USO1: variants seen among roughly 807,000 people sequenced by gnomAD.
The protein encoded by USO1 is general vesicular transport factor p115.
USO1 carries 57 observed loss-of-function variants against 124.5 expected under a neutral mutation model. The ratio of observed to expected loss-of-function variants is 0.46; its 90% confidence interval spans 0.37 to 0.57. The LOEUF (loss-of-function observed/expected upper bound fraction) is 0.57. Among genes scored for constraint, USO1 ranks in the 20% least tolerant of loss-of-function variants. The pLI is 0.00. For missense variants in USO1, 900 were observed against 1,040.6 expected (o/e 0.86, Z 1.86); for synonymous variants, 369 against 362.8 (o/e 1.02, Z -0.19).
intron 13 of USO1, among the ~76,000 whole-genome samples, chr4:75,798,296 G>T (rs1177264963): frequency 1.3e-5 from 2 of 151,818 alleles, no homozygotes; most frequent in South Asian, 4.2e-4. Context: ...ATACATTGTG[G>T]GTATATTTGG....
intron 20 of USO1, among the ~76,000 whole-genome samples, 172 bp downstream of exon 20, chr4:75,806,744 T>C (rs1369346222): frequency 6.6e-6 from 1 of 152,226 alleles, no homozygotes; most frequent in Admixed American, 6.5e-5. Context: ...AATAGTACTT[T>C]GCTTTTTATT....
intron 1 of USO1, among the ~76,000 whole-genome samples, chr4:75,728,859 C>G (rs150926308): frequency 6.6e-6 from 1 of 151,900 alleles, no homozygotes; most frequent in Non-Finnish European, 1.5e-5. Context: ...AGTGCAGTGG[C>G]GCAATCTTGG....
At position 75,813,400 on chromosome 4, in the gene USO1, A is replaced by C; in HGVS notation, c.*105A>C. The C allele has an allele frequency of 8.0e-7, 1 of 1,251,094 alleles. No individual in the cohort carries two copies. The allele number at this position is 1,251,094 out of a possible 1,614,324, so 77.5% of individuals were successfully genotyped here. ...AATAAAGATTTAGAAACCAGGTGGA[A>C]AACATTCACTATTAAGACTATTGAT... On this transcript the variant is annotated 3_prime_UTR_variant, in exon 24 of 24. Coordinates refer to ENST00000514213, the MANE Select transcript of USO1 (RefSeq NM_003715.4).
At chr4:75,792,812 C>T (rs769434710) in intron 12 of USO1, among the ~76,000 whole-genome samples, 3 of 152,106 alleles carry the variant, frequency 2.0e-5, no homozygotes, top group Non-Finnish European at 4.4e-5. Flanking sequence ...TCATTATCCC[C>T]ATCTTCCCTC....
At chr4:75,728,972 A>G (rs1263794977) in intron 1 of USO1, among the ~76,000 whole-genome samples, 3 of 151,624 alleles carry the variant, frequency 2.0e-5, no homozygotes, top group Non-Finnish European at 4.4e-5. Flanking sequence ...TAATTTTTGT[A>G]TTTTTAGTGG....
At chr4:75,749,073 G>A (rs940461910) in intron 1 of USO1, among the ~76,000 whole-genome samples, 2 of 152,130 alleles carry the variant, frequency 1.3e-5, no homozygotes, top group African/African-American at 4.8e-5. Flanking sequence ...CAGTTAGAAT[G>A]AATAAAGAAA....
intron 3 of USO1, among the ~76,000 whole-genome samples, chr4:75,753,568 A>C (rs1002442256): frequency 6.6e-6 from 1 of 150,876 alleles, no homozygotes; most frequent in Non-Finnish European, 1.5e-5. Flanking sequence ...TAAAATAAAA[A>C]TTAGCTGGGT....
intron 9 of USO1, among the ~76,000 whole-genome samples, chr4:75,784,220 T>C (rs1722297148): frequency 6.6e-6 from 1 of 152,172 alleles, no homozygotes; most frequent in Admixed American, 6.5e-5. Context: ...GAGGTCTCAC[T>C]GTATTGCCAG....
chr4:75,812,411 ATGT>A, intron 23 of USO1, 36 bp downstream of exon 23: 1 of 1,525,092 alleles, frequency 6.6e-7, no homozygotes, highest in Non-Finnish European at 8.8e-7. Flanking sequence ...GATTTGTATT[ATGT>A]TTTAGTATAA....
At chr4:75,726,302 G>A (rs866538552) in intron 1 of USO1, among the ~76,000 whole-genome samples, 421 of 128,952 alleles carry the variant, frequency 3.3e-3, no homozygotes, top group African/African-American at 0.012. Context: ...AAAAAAAAAA[G>A]GGGTGAAGTA....
intron 18 of USO1, among the ~76,000 whole-genome samples, chr4:75,804,648 T>G (rs1008644645): frequency 1.3e-5 from 2 of 152,218 alleles, no homozygotes; most frequent in African/African-American, 4.8e-5. Context: ...CACCAGGTGA[T>G]TCTAATGTAT....
chr4:75,787,120 A>G lies in USO1; in HGVS notation c.914A>G (p.Lys305Arg). 6.2e-7 allele frequency: 1 copy of G among 1,607,954 alleles called. No homozygotes were observed. Among genetic ancestry groups the G allele is most frequent in the Non-Finnish European group, 8.5e-7 (1 of 1,177,424 alleles). The change falls in exon 10 of 24, where the codon AAG becomes AGG. Residue 305 changes from lysine (K) to arginine (R), a missense_variant. Around this residue, in one of 2 missense-constraint regions of USO1, gnomAD observed 538 missense variants for 681.6 expected, o/e 0.79. Coordinates refer to ENST00000514213, the MANE Select transcript of USO1 (RefSeq NM_003715.4). ...NPPGATSSCQ[K>R]AMFQCGLLQQ... Reference sequence around the variant, plus strand: ...CCTGGTGCTACCAGTAGCTGCCAGAAGGCTATGTTCCAGTGTGGGTTATTG... The same window carrying G: ...CCTGGTGCTACCAGTAGCTGCCAGAGGGCTATGTTCCAGTGTGGGTTATTG...
chr4:75,776,549 C>T (rs536127010), intron 8 of USO1, among the ~76,000 whole-genome samples: 20 of 152,192 alleles, frequency 1.3e-4, no homozygotes, highest in Admixed American at 3.3e-4. Flanking sequence ...CTAAGTTTTC[C>T]TAGTTGCTAA....
At chr4:75,762,273 C>T (rs1055550566) in intron 4 of USO1, among the ~76,000 whole-genome samples, 3 of 145,030 alleles carry the variant, frequency 2.1e-5, no homozygotes, top group Non-Finnish European at 3.0e-5. Context: ...TGTATTCAAG[C>T]GATTCTCATG....
At chr4:75,812,757 CAG>C (rs1723185831) in intron 23 of USO1, among the ~76,000 whole-genome samples, 1 of 152,158 alleles carries the variant, frequency 6.6e-6, no homozygotes, top group South Asian at 2.1e-4. Context: ...TTAGAAATGA[CAG>C]AGAGCCTTGG....
intron 4 of USO1, among the ~76,000 whole-genome samples, chr4:75,766,139 A>C (rs324718): frequency 6.6e-6 from 1 of 152,100 alleles, no homozygotes; most frequent in African/African-American, 2.4e-5. Context: ...TTTTTGATAG[A>C]TTGCATATAA....
At position 75,813,180 on chromosome 4, in the gene USO1, A is replaced by G. The variant is rs571297608; in HGVS notation, c.2800-26A>G. ...AATGTGACATGAACAGATTTTCACA[A>G]TATTAAATACGTCTTTTTCCTCTAG... On this transcript the variant is annotated intron_variant, in intron 23 of 23. Coordinates refer to ENST00000514213, the MANE Select transcript of USO1 (RefSeq NM_003715.4). 12 of 1,589,990 alleles carry G rather than the reference A, an allele frequency of 7.5e-6. No individual in the cohort carries two copies. In the South Asian group the frequency reaches 1.3e-4, roughly 17 times the overall value.
At chr4:75,778,279 A>C (rs562867376) in intron 8 of USO1, among the ~76,000 whole-genome samples, 1 of 152,180 alleles carries the variant, frequency 6.6e-6, no homozygotes, top group Non-Finnish European at 1.5e-5. Context: ...CGTTGTATGT[A>C]TTATATACTC....
intron 7 of USO1, among the ~76,000 whole-genome samples, chr4:75,772,602 G>A (rs1049222298): frequency 9.9e-5 from 15 of 151,872 alleles, no homozygotes; most frequent in African/African-American, 3.6e-4. Context: ...ATTTAACTAG[G>A]TATCTATCTA....
Sources: gnomAD v4.1 joint callset for allele counts (sites outside exome capture counted in the v4.1 genomes callset) on GRCh38, gnomAD v4.1.1 for gene constraint, gnomAD v4.1.1 regional missense constraint, MANE v1.5 for transcripts, NCBI Gene and HGNC (gene_info 2026-07-23, HGNC 2026-07-21) for gene names.